Variants in SLC24A3 observed in about 807,000 individuals in gnomAD.
SLC24A3 encodes solute carrier family 24 member 3.
SLC24A3 carries 28 observed loss-of-function variants against 75.8 expected under a neutral mutation model. The observed-to-expected ratio is 0.37, with a 90% CI of 0.27 to 0.51. The LOEUF (loss-of-function observed/expected upper bound fraction) is 0.51. Among genes scored for constraint, SLC24A3 ranks in the 20% least tolerant of loss-of-function variants. SLC24A3 has a pLI of 0.94. For missense variants in SLC24A3, 663 were observed against 847.8 expected (o/e 0.78, Z 2.71); for synonymous variants, 372 against 334.1 (o/e 1.11, Z -1.24).
chr20:19,712,624 G>A (rs2033003609), intron 15 of SLC24A3, among the ~76,000 whole-genome samples: 1 of 152,154 alleles, frequency 6.6e-6, no homozygotes, highest in Admixed American at 6.5e-5. Flanking sequence ...AGAGCTCCTG[G>A]CCCTCCTCGA....
intron 2 of SLC24A3, among the ~76,000 whole-genome samples, chr20:19,438,662 A>ACTCATTGGCCTCTGCACCCAGCATCCC (rs1330138843): frequency 1.4e-5 from 2 of 142,688 alleles, no homozygotes; most frequent in Non-Finnish European, 3.1e-5. Flanking sequence ...ACACCAAGCC[A>ACTCATTGGCCTCTGCACCCAGCATCCC]CTCATTGGCC....
chr20:19,597,183 CAACG>C (rs59171028), intron 6 of SLC24A3, among the ~76,000 whole-genome samples: 67,785 of 151,606 alleles, frequency 0.45, 15,973 homozygotes, highest in African/African-American at 0.6. Flanking sequence ...AGGAGTTCCA[CAACG>C]AACGGCCTGG....
chr20:19,357,841 C>T (rs1340644545), intron 2 of SLC24A3, among the ~76,000 whole-genome samples: 1 of 152,266 alleles, frequency 6.6e-6, no homozygotes, highest in Non-Finnish European at 1.5e-5. Context: ...CCCAGGGAAC[C>T]TGCTAGAGCA....
At chr20:19,229,122 A>G (rs1298843177) in intron 1 of SLC24A3, among the ~76,000 whole-genome samples, 1 of 152,058 alleles carries the variant, frequency 6.6e-6, no homozygotes, top group Non-Finnish European at 1.5e-5. Context: ...GAGAAGTGTT[A>G]ATTTCATTAA....
rs545035420 is a variant in SLC24A3, at chr20:19,685,196, C to T, written c.1159C>T (p.Pro387Ser). ...GCACACCGTGGAGAATGGGACAGGG[C>T]CCAGCAGTGCCCCAGACAGGGGCGT... is the stretch of plus-strand genomic sequence containing the variant. ...IKHTVENGTG[P>S]SSAPDRGVNG... Residue 387 changes from proline to serine, a missense_variant, in exon 12 of 17, where the codon CCC becomes TCC. Pro to Ser is a moderately conservative substitution (Grantham distance 74). Around this residue, in one of 2 missense-constraint regions of SLC24A3, gnomAD observed 510 missense variants for 703.6 expected, o/e 0.72. Transcript: ENST00000328041. The T allele has an allele frequency of 1.9e-6, 3 of 1,614,154 alleles. No individual in the cohort carries two copies. In the Admixed American group the frequency reaches 5.0e-5, roughly 27 times the overall value.
At chr20:19,678,268 T>C (rs2032553040) in intron 9 of SLC24A3, among the ~76,000 whole-genome samples, 5 of 146,534 alleles carry the variant, frequency 3.4e-5, no homozygotes, top group African/African-American at 5.0e-5. Context: ...GGCTCCTCAC[T>C]TCCCAGTAGG....
At chr20:19,446,044 G>A (rs921791231) in intron 2 of SLC24A3, among the ~76,000 whole-genome samples, 7 of 152,146 alleles carry the variant, frequency 4.6e-5, no homozygotes, top group African/African-American at 1.7e-4. Context: ...GGCCCGTAGG[G>A]GTTCACTCCT....
At chr20:19,354,035 C>T (rs1359167781) in intron 2 of SLC24A3, among the ~76,000 whole-genome samples, 3 of 152,086 alleles carry the variant, frequency 2.0e-5, no homozygotes, top group Admixed American at 2.0e-4. Flanking sequence ...TCTAATAGCT[C>T]CAAACTAGAA....
intron 2 of SLC24A3, among the ~76,000 whole-genome samples, chr20:19,507,357 G>A (rs891075335): frequency 2.0e-5 from 3 of 152,238 alleles, no homozygotes; most frequent in Non-Finnish European, 4.4e-5. Context: ...AGGACCATAT[G>A]CATTTCTCAC....
chr20:19,524,217 T>G (rs1356862157), intron 3 of SLC24A3, among the ~76,000 whole-genome samples: 1 of 152,192 alleles, frequency 6.6e-6, no homozygotes, highest in African/African-American at 2.4e-5. Context: ...GGGATCCCAA[T>G]TAAATGACAC....
intron 3 of SLC24A3, among the ~76,000 whole-genome samples, chr20:19,561,783 A>G (rs531630261): frequency 6.6e-6 from 1 of 152,296 alleles, no homozygotes; most frequent in East Asian, 1.9e-4. Context: ...TATTTTTCCC[A>G]TTTTACACAC....
chr20:19,437,937 G>A (rs1174660560), intron 2 of SLC24A3, among the ~76,000 whole-genome samples: 1 of 152,150 alleles, frequency 6.6e-6, no homozygotes, highest in Non-Finnish European at 1.5e-5. Context: ...ACATTAATGA[G>A]GTCGTTATAG....
chr20:19,504,318 C>A (rs761797894), intron 2 of SLC24A3, among the ~76,000 whole-genome samples: 9 of 152,170 alleles, frequency 5.9e-5, no homozygotes, highest in Non-Finnish European at 1.2e-4. Context: ...GTTACTTCCA[C>A]CTCTGGAATT....
intron 15 of SLC24A3, among the ~76,000 whole-genome samples, chr20:19,699,403 A>G (rs2032846431): frequency 6.6e-6 from 1 of 152,244 alleles, no homozygotes; most frequent in Non-Finnish European, 1.5e-5. Context: ...TCAGGCTCTT[A>G]TGAATTGACT....
rs2032769366 is a variant in SLC24A3 at position 19,693,385 on chromosome 20, C to T, written c.1451C>T (p.Thr484Met). 9 of 1,614,030 alleles carry T rather than the reference C, an allele frequency of 5.6e-6. No homozygotes were observed. Among genetic ancestry groups the T allele is most frequent in the South Asian group, 1.1e-5 (1 of 91,084 alleles). ...KWFMVTFASS[T>M]LWIAAFSYMM... ...TTCATGGTGACGTTTGCTTCCTCCA[C>T]GCTGTGGATCGCAGCCTTCTCCTAC... Residue 484 changes from threonine to methionine, a missense_variant, in exon 13 of 17, where the codon ACG (threonine) becomes ATG (methionine). By Grantham distance (81) the Thr-to-Met change is moderately conservative (BLOSUM62 -1). This residue lies in a region of SLC24A3 where 510 missense variants were observed against 703.6 expected (regional missense o/e 0.72). Transcript: ENST00000328041.
intron 3 of SLC24A3, among the ~76,000 whole-genome samples, chr20:19,544,385 T>C (rs1290125335): frequency 6.6e-6 from 1 of 152,186 alleles, no homozygotes; most frequent in East Asian, 1.9e-4. Flanking sequence ...GCCTTAGTTC[T>C]GAGACATTCC....
At chr20:19,244,698 A>G (rs989133638) in intron 1 of SLC24A3, among the ~76,000 whole-genome samples, 1 of 152,230 alleles carries the variant, frequency 6.6e-6, no homozygotes, top group Non-Finnish European at 1.5e-5. Flanking sequence ...TGACAGGATC[A>G]GGTAAGCCTT....
chr20:19,282,004 G>A (rs1417798567), intron 2 of SLC24A3, among the ~76,000 whole-genome samples: 1 of 152,100 alleles, frequency 6.6e-6, no homozygotes, highest in Non-Finnish European at 1.5e-5. Flanking sequence ...TTGGCCTCAT[G>A]TGTGCCACTG....
At chr20:19,465,071 A>G (rs1987741390) in intron 2 of SLC24A3, among the ~76,000 whole-genome samples, 1 of 152,214 alleles carries the variant, frequency 6.6e-6, no homozygotes, top group Non-Finnish European at 1.5e-5. Context: ...ATTTTACTTA[A>G]ATTTAACTCA....
Sources: allele counts gnomAD v4.1 joint callset (sites outside exome capture counted in the v4.1 genomes callset), GRCh38; gene constraint gnomAD v4.1.1; regional missense constraint gnomAD v4.1.1; transcripts MANE v1.5; gene names NCBI Gene and HGNC (gene_info 2026-07-23, HGNC 2026-07-21).